The following PLCB4 variants were observed in gnomAD, a reference collection of about 807,000 sequenced individuals.
PLCB4 encodes phospholipase C beta 4.
Under a neutral mutation model 178.8 loss-of-function variants are expected in PLCB4, and 77 were observed. The ratio of observed to expected loss-of-function variants is 0.43; its 90% confidence interval spans 0.36 to 0.52. The LOEUF is 0.52. Among genes scored for constraint, PLCB4 ranks in the 20% least tolerant of loss-of-function variants. PLCB4 has a pLI of 0.00. For synonymous variants in PLCB4, 496 were observed against 490.8 expected, an observed-to-expected ratio of 1.01 and a Z score of -0.14; for missense variants, 1,024 against 1,453.4, an observed-to-expected ratio of 0.70 and a Z score of 4.80.
intron 2 of PLCB4, among the ~76,000 whole-genome samples, chr20:9,192,524 T>C (rs984157792): frequency 1.3e-5 from 2 of 151,306 alleles, no homozygotes; most frequent in Non-Finnish European, 1.5e-5. Context: ...TTGAATTTTT[T>C]TTTCTTTTTT....
chr20:9,390,618 A>G lies in PLCB4; in HGVS notation c.1323+3A>G, dbSNP rs1342948716. The stretch of plus-strand genomic sequence containing the variant: ...AACAAGCACTTGAATCACATCCAGT[A>G]TGTATTTTTAACAAACCATATTTCT... On this transcript the variant is annotated splice_donor_region_variant and intron_variant, in intron 17 of 39. Transcript: ENST00000378473. 4.2e-6 allele frequency: 6 copies of G among 1,429,164 alleles called. No homozygotes were observed. The highest frequency in any genetic ancestry group is 1.2e-5 in the South Asian group (1 of 86,840). 88.5% of individuals were successfully genotyped at this position (1,429,164 alleles called of 1,614,324 possible).
intron 3 of PLCB4, among the ~76,000 whole-genome samples, chr20:9,220,898 T>C (rs894963059): frequency 1.3e-5 from 2 of 152,224 alleles, no homozygotes; most frequent in Non-Finnish European, 2.9e-5. Context: ...GTAAATACTT[T>C]AGTTATTTCA....
chr20:9,246,299 A>T (rs1347752160), intron 3 of PLCB4, among the ~76,000 whole-genome samples: 2 of 152,032 alleles, frequency 1.3e-5, no homozygotes, highest in African/African-American at 2.4e-5. Flanking sequence ...CTCCCTTACC[A>T]CTATACATAC....
intron 20 of PLCB4, among the ~76,000 whole-genome samples, chr20:9,404,175 C>T (rs1020759983): frequency 8.5e-5 from 13 of 152,092 alleles, no homozygotes; most frequent in African/African-American, 3.1e-4. Context: ...GAGGGGATAA[C>T]TGCCTGGAAT....
chr20:9,462,116 C>A (rs2043439854), intron 35 of PLCB4, among the ~76,000 whole-genome samples: 1 of 152,178 alleles, frequency 6.6e-6, no homozygotes, highest in South Asian at 2.1e-4. Flanking sequence ...GATACCCAGG[C>A]AAACAGGGTC....
intron 3 of PLCB4, among the ~76,000 whole-genome samples, chr20:9,287,129 A>T (rs2094542670): frequency 6.6e-6 from 1 of 152,060 alleles, no homozygotes; most frequent in Non-Finnish European, 1.5e-5. Flanking sequence ...AAATTCATAC[A>T]TTGCCAAATA....
chr20:9,149,245 T>G (rs1436603788), intron 2 of PLCB4, among the ~76,000 whole-genome samples: 1 of 152,160 alleles, frequency 6.6e-6, no homozygotes, highest in East Asian at 1.9e-4. Flanking sequence ...TCTCCACGGC[T>G]GTTGCCCTGG....
intron 4 of PLCB4, among the ~76,000 whole-genome samples, chr20:9,318,216 G>A (rs2094921463): frequency 6.6e-6 from 1 of 151,786 alleles, no homozygotes; most frequent in African/African-American, 2.4e-5. Context: ...CACCACTTGA[G>A]AGATGAGTTA....
chr20:9,235,312 T>C (rs1342242119), intron 3 of PLCB4, among the ~76,000 whole-genome samples: 1 of 152,158 alleles, frequency 6.6e-6, no homozygotes, highest in South Asian at 2.1e-4. Flanking sequence ...CATGGCTGAC[T>C]GAAGTTGAAT....
At chr20:9,171,967 A>G (rs2093071255) in intron 2 of PLCB4, among the ~76,000 whole-genome samples, 1 of 152,082 alleles carries the variant, frequency 6.6e-6, no homozygotes, top group Non-Finnish European at 1.5e-5. Flanking sequence ...TCCCCTGTCA[A>G]CTTGTCAAGA....
chr20:9,145,735 T>G (rs1251057336), intron 2 of PLCB4, among the ~76,000 whole-genome samples: 1 of 152,092 alleles, frequency 6.6e-6, no homozygotes, highest in Non-Finnish European at 1.5e-5. Context: ...CCACCTAAAT[T>G]GGAATAGCAA....
chr20:9,122,989 T>C (rs568098850), intron 2 of PLCB4, among the ~76,000 whole-genome samples: 11 of 152,290 alleles, frequency 7.2e-5, no homozygotes, highest in South Asian at 6.2e-4. Context: ...TAAGAAACAG[T>C]AAAAATGTAC....
In PLCB4 at chr20:9,204,902, G is replaced by GA. The variant is rs77245904; in HGVS notation, c.-78-12478dup. Among the ~76,000 whole-genome samples the GA allele has an allele frequency of 3.9e-3, 557 of 144,258 alleles. 5 individuals carry two copies. Among genetic ancestry groups the GA allele is most frequent in the African/African-American group, 0.012 (482 of 39,298 alleles). 94.6% of individuals were successfully genotyped at this position (144,258 alleles called of 152,430 possible). On this transcript the variant is annotated intron_variant, in intron 2 of 39. Coordinates refer to ENST00000378473, the MANE Select transcript of PLCB4 (RefSeq NM_001377142.1). ...ACGTTGGATTCCAAAGACTCAGAAT[G>GA]AAAAAAAAAACCCGAATTTAAAATT... is the stretch of plus-strand genomic sequence containing the variant.
intron 2 of PLCB4, among the ~76,000 whole-genome samples, chr20:9,209,963 C>CAAAA (rs58424232): frequency 9.1e-4 from 43 of 47,134 alleles, no homozygotes; most frequent in South Asian, 2.0e-3. Flanking sequence ...GACTCTGTCT[C>CAAAA]AAAAAAAAAA....
At chr20:9,210,210 CT>C (rs2093658848) in intron 2 of PLCB4, among the ~76,000 whole-genome samples, 2 of 152,210 alleles carry the variant, frequency 1.3e-5, no homozygotes, top group South Asian at 4.1e-4. Flanking sequence ...TTGTAATGAA[CT>C]CCTCTAAAGA....
intron 3 of PLCB4, among the ~76,000 whole-genome samples, chr20:9,287,430 T>C (rs890712392): frequency 1.3e-5 from 2 of 152,198 alleles, no homozygotes; most frequent in East Asian, 3.9e-4. Flanking sequence ...TTTTGTGAAA[T>C]GAAGGTATCA....
chr20:9,350,075 C>A (rs2034190420), intron 7 of PLCB4, among the ~76,000 whole-genome samples: 1 of 151,870 alleles, frequency 6.6e-6, no homozygotes, highest in African/African-American at 2.4e-5. Context: ...GGGCTGAACA[C>A]AACCCTTAGC....
At chr20:9,276,663 CAT>C (rs1416780225) in intron 3 of PLCB4, among the ~76,000 whole-genome samples, 2 of 152,168 alleles carry the variant, frequency 1.3e-5, no homozygotes, top group South Asian at 2.1e-4. Context: ...TCATACCACA[CAT>C]GTCATTTCTG....
At chr20:9,301,796 C>A (rs1010645500) in intron 3 of PLCB4, among the ~76,000 whole-genome samples, 2 of 152,046 alleles carry the variant, frequency 1.3e-5, no homozygotes, top group Admixed American at 6.6e-5. Context: ...TCTTGTCCCC[C>A]GCTTCCAAAG....
Sources: allele counts gnomAD v4.1 joint callset (sites outside exome capture counted in the v4.1 genomes callset), GRCh38; gene constraint gnomAD v4.1.1; transcripts MANE v1.5; gene names NCBI Gene and HGNC (gene_info 2026-07-23, HGNC 2026-07-21).